The following SAMMSON variants were observed in gnomAD, a reference collection of about 807,000 sequenced individuals.
SAMMSON encodes survival associated mitochondrial melanoma specific oncogenic non-coding RNA.
chr3:70,428,947 G>A (rs970476984), intron 2 of SAMMSON, among the ~76,000 whole-genome samples: 1 of 152,128 alleles, frequency 6.6e-6, no homozygotes, highest in African/African-American at 2.4e-5. Flanking sequence ...TGGAACTTTA[G>A]ATAGAATAAG....
At chr3:70,190,826 C>A (rs1024918517) in intron 4 of SAMMSON, among the ~76,000 whole-genome samples, 1 of 152,150 alleles carries the variant, frequency 6.6e-6, no homozygotes, top group African/African-American at 2.4e-5. Flanking sequence ...CTCCCAGGGG[C>A]AGTTTTACAA....
intron 4 of SAMMSON, among the ~76,000 whole-genome samples, chr3:70,095,750 C>CAA (rs2067320865): frequency 6.6e-6 from 1 of 152,048 alleles, no homozygotes; most frequent in African/African-American, 2.4e-5. Context: ...TTATGTGCCA[C>CAA]AAATAAGTGC....
At chr3:70,277,515 G>A (rs545360281) in intron 6 of SAMMSON, among the ~76,000 whole-genome samples, 145 of 152,220 alleles carry the variant, frequency 9.5e-4, no homozygotes, top group African/African-American at 3.2e-3. Flanking sequence ...GCTGATCTCT[G>A]AACGAACAGA....
At chr3:70,224,394 C>T (rs570682738) in intron 4 of SAMMSON, among the ~76,000 whole-genome samples, 2 of 152,146 alleles carry the variant, frequency 1.3e-5, no homozygotes, top group African/African-American at 2.4e-5. Flanking sequence ...ATTATGTTCT[C>T]CTACCTATTC....
chr3:70,070,119 C>G (rs1260648195), intron 3 of SAMMSON: 1 of 151,998 alleles, frequency 6.6e-6, no homozygotes, highest in Non-Finnish European at 1.5e-5. Flanking sequence ...AAAAATCATA[C>G]AGAAGTAATT....
At chr3:70,113,216 A>C (rs2067396784) in intron 4 of SAMMSON, among the ~76,000 whole-genome samples, 1 of 152,220 alleles carries the variant, frequency 6.6e-6, no homozygotes, top group South Asian at 2.1e-4. Flanking sequence ...ATAAAATAGA[A>C]ATTTAAAAGA....
intron 6 of SAMMSON, among the ~76,000 whole-genome samples, chr3:70,254,408 A>G (rs1359442872): frequency 6.6e-6 from 1 of 152,184 alleles, no homozygotes; most frequent in Non-Finnish European, 1.5e-5. Flanking sequence ...TTATAAACAG[A>G]TGTGAGCATG....
intron 3 of SAMMSON, among the ~76,000 whole-genome samples, chr3:70,039,605 A>T (rs1190095498): frequency 2.2e-5 from 3 of 134,106 alleles, no homozygotes; most frequent in African/African-American, 9.2e-5. Context: ...ACACACACAC[A>T]CACACACACA....
chr3:70,146,238 G>A (rs1242562410), intron 4 of SAMMSON, among the ~76,000 whole-genome samples: 1 of 151,934 alleles, frequency 6.6e-6, no homozygotes, highest in Non-Finnish European at 1.5e-5. Flanking sequence ...CACTGGATGA[G>A]TCCACTAAAC....
intron 2 of SAMMSON, among the ~76,000 whole-genome samples, chr3:70,411,021 C>T (rs904565770): frequency 6.6e-6 from 1 of 152,200 alleles, no homozygotes; most frequent in African/African-American, 2.4e-5. Flanking sequence ...AGTGCATTGA[C>T]ATTGTTTAGC....
At chr3:70,137,013 A>C (rs1417564133) in intron 4 of SAMMSON, among the ~76,000 whole-genome samples, 1 of 152,194 alleles carries the variant, frequency 6.6e-6, no homozygotes, top group African/African-American at 2.4e-5. Context: ...TGAGTCATAC[A>C]TAATTGCTGT....
chr3:70,128,852 T>G (rs2106672624), intron 4 of SAMMSON, among the ~76,000 whole-genome samples: 3 of 152,326 alleles, frequency 2.0e-5, no homozygotes, highest in East Asian at 3.9e-4. Flanking sequence ...GTATCTCTCT[T>G]AAACATTTTT....
At chr3:70,073,666 T>C (rs759662425) in intron 4 of SAMMSON, among the ~76,000 whole-genome samples, 2 of 151,850 alleles carry the variant, frequency 1.3e-5, no homozygotes, top group African/African-American at 4.8e-5. Flanking sequence ...CCCTCTCTCT[T>C]TGTTCCTCTC....
intron 4 of SAMMSON, among the ~76,000 whole-genome samples, chr3:70,096,420 T>C (rs1477260758): frequency 6.6e-6 from 1 of 152,154 alleles, no homozygotes; most frequent in South Asian, 2.1e-4. Context: ...GGCGCATACC[T>C]GTAGTTCCAG....
intron 4 of SAMMSON, among the ~76,000 whole-genome samples, chr3:70,114,193 T>G (rs2067400730): frequency 6.6e-6 from 1 of 152,182 alleles, no homozygotes; most frequent in African/African-American, 2.4e-5. Context: ...CACATGAGCC[T>G]AAATCTCTGG....
chr3:70,193,379 G>A (rs1400227415), intron 4 of SAMMSON, among the ~76,000 whole-genome samples: 4 of 152,084 alleles, frequency 2.6e-5, no homozygotes, highest in East Asian at 1.9e-4. Flanking sequence ...CTGTATCCTC[G>A]AACTCCTGGG....
intron 3 of SAMMSON, among the ~76,000 whole-genome samples, chr3:70,055,380 A>G (rs1000307266): frequency 2.6e-5 from 4 of 152,238 alleles, no homozygotes; most frequent in South Asian, 2.1e-4. Flanking sequence ...ATCTACTTAT[A>G]TTTTTAATCT....
chr3:70,294,487 A>G (rs571788031), intron 7 of SAMMSON, among the ~76,000 whole-genome samples: 29 of 152,244 alleles, frequency 1.9e-4, no homozygotes, highest in Non-Finnish European at 3.2e-4. Context: ...AAAAAAGGAG[A>G]AAGAGATCCC....
At chr3:70,395,433 A>C (rs1304613774) in intron 2 of SAMMSON, among the ~76,000 whole-genome samples, 1 of 151,590 alleles carries the variant, frequency 6.6e-6, no homozygotes, top group African/African-American at 2.4e-5. Flanking sequence ...GTGGCAAGAA[A>C]CTGGCATTAG....
Sources: allele counts gnomAD v4.1 joint callset (sites outside exome capture counted in the v4.1 genomes callset), GRCh38; gene constraint gnomAD v4.1.1; transcripts MANE v1.5; gene names NCBI Gene and HGNC (gene_info 2026-07-23, HGNC 2026-07-21).